AFF2: variants seen among roughly 807,000 people sequenced by gnomAD.
AFF2 encodes the protein ALF transcription elongation factor 2.
A neutral mutation model predicts 76.9 loss-of-function variants in AFF2; 14 were observed. The observed-to-expected ratio is 0.18, with a 90% CI of 0.12 to 0.28. The LOEUF (loss-of-function observed/expected upper bound fraction) is 0.28. Among genes scored for constraint, AFF2 ranks in the 10% least tolerant of loss-of-function variants. The probability of loss-of-function intolerance (pLI) is 1.00; values close to 1 mark genes in which losing one functional copy is unlikely to be tolerated. For missense variants in AFF2, 868 were observed against 1,001.1 expected, an observed-to-expected ratio of 0.87 and a Z score of 1.79; for synonymous variants, 398 against 366.7, an observed-to-expected ratio of 1.09 and a Z score of -0.98.
chrX:148,737,058 A>G (rs1366343331), intron 3 of AFF2, among the ~76,000 whole-genome samples: 2 of 111,529 alleles, frequency 1.8e-5, no homozygotes, highest in African/African-American at 6.5e-5. Context: ...TGATGCCTCC[A>G]GATTTGTTCT....
chrX:148,754,639 G>T (rs1489498811), intron 3 of AFF2, among the ~76,000 whole-genome samples: 1 of 111,091 alleles, frequency 9.0e-6, no homozygotes, highest in South Asian at 3.8e-4. Context: ...CCCTACACCA[G>T]GAGGATAGAG....
At chrX:148,852,409 T>TTA (rs1491530668) in intron 7 of AFF2, among the ~76,000 whole-genome samples, 1 of 99,303 alleles carries the variant, frequency 1.0e-5, no homozygotes, top group Middle Eastern at 4.8e-3. Flanking sequence ...TTTTTTTTTT[T>TTA]ACTTTTAAAT....
chrX:148,916,079 A>G (rs1288353700), intron 9 of AFF2, among the ~76,000 whole-genome samples: 8 of 109,911 alleles, frequency 7.3e-5, no homozygotes. Flanking sequence ...TCCTGCAAGG[A>G]TGCTGTTGTG....
At chrX:148,851,326 G>A (rs1215505675) in intron 7 of AFF2, among the ~76,000 whole-genome samples, 1 of 112,195 alleles carries the variant, frequency 8.9e-6, no homozygotes, top group East Asian at 2.8e-4. Flanking sequence ...CTTTAACAAT[G>A]TGGACCAAAA....
At chrX:148,710,038 T>C (rs782584560) in intron 3 of AFF2, among the ~76,000 whole-genome samples, 1 of 111,794 alleles carries the variant, frequency 8.9e-6, no homozygotes, top group Non-Finnish European at 1.9e-5. Context: ...CCTAGAATAG[T>C]CATGGGCTAT....
chrX:148,795,832 AATATATATATATATATATATATATAT>A (rs1169188980), intron 3 of AFF2, among the ~76,000 whole-genome samples: 165 of 15,531 alleles, frequency 0.011, 2 homozygotes, highest in African/African-American at 0.033. Flanking sequence ...AAAAAAAAAA[AATATATATATATATATATATATATAT>A]ATATATATAT....
intron 3 of AFF2, among the ~76,000 whole-genome samples, chrX:148,754,194 T>C (rs946430907): frequency 2.7e-5 from 3 of 111,645 alleles, no homozygotes; most frequent in African/African-American, 9.8e-5. Context: ...ATACAATAGA[T>C]GCCATTATGC....
intron 1 of AFF2, among the ~76,000 whole-genome samples, chrX:148,634,948 G>C (rs977383301): frequency 4.5e-5 from 5 of 111,570 alleles, no homozygotes; most frequent in African/African-American, 1.6e-4. Flanking sequence ...GCATTAATTT[G>C]CCTCAGGAAG....
At chrX:148,649,376 G>T (rs1447216076) in intron 1 of AFF2, among the ~76,000 whole-genome samples, 3 of 112,149 alleles carry the variant, frequency 2.7e-5, no homozygotes, top group Non-Finnish European at 3.8e-5. Context: ...TTACTCATTA[G>T]ACCTCACTGT....
chrX:148,527,418 G>T (rs2052674351), intron 1 of AFF2, among the ~76,000 whole-genome samples: 1 of 112,128 alleles, frequency 8.9e-6, no homozygotes, highest in Non-Finnish European at 1.9e-5. Context: ...ATTTAGATTG[G>T]ATCTTGGACC....
At chrX:148,612,142 A>G (rs1269364404) in intron 1 of AFF2, among the ~76,000 whole-genome samples, 2 of 111,926 alleles carry the variant, frequency 1.8e-5, no homozygotes, top group Non-Finnish European at 3.8e-5. Context: ...ATGACTGTGA[A>G]ACTATATGAA....
At chrX:148,550,713 G>A (rs781992014) in intron 1 of AFF2, among the ~76,000 whole-genome samples, 3 of 110,891 alleles carry the variant, frequency 2.7e-5, no homozygotes, top group South Asian at 3.8e-4. Context: ...GGGCATCTGC[G>A]AATACGTATG....
At chrX:148,864,305 G>T (rs781998210) in intron 7 of AFF2, among the ~76,000 whole-genome samples, 1 of 112,156 alleles carries the variant, frequency 8.9e-6, no homozygotes, top group East Asian at 2.8e-4. Flanking sequence ...AGGTGGAAAG[G>T]CTTCTCTGCC....
intron 7 of AFF2, among the ~76,000 whole-genome samples, chrX:148,856,466 C>T (rs1423358131): frequency 5.4e-5 from 6 of 111,280 alleles, no homozygotes; most frequent in Admixed American, 1.9e-4. Flanking sequence ...GTCTGGTTGA[C>T]TCCAGTAAGA....
chrX:148,861,008 A>C, intron 7 of AFF2, among the ~76,000 whole-genome samples: 1 of 111,460 alleles, frequency 9.0e-6, no homozygotes, highest in Non-Finnish European at 1.9e-5. Context: ...TTTCTCAGAT[A>C]ATGTCTGAGA....
At chrX:148,656,619 C>T (rs1410209204) in intron 2 of AFF2, among the ~76,000 whole-genome samples, 1 of 103,296 alleles carries the variant, frequency 9.7e-6, no homozygotes, top group Admixed American at 1.0e-4. Flanking sequence ...CCTGCCTCAG[C>T]CTCCCAAGTA....
chrX:148,662,254 G>C lies in AFF2; in HGVS notation c.527G>C (p.Gly176Ala). Residue 176 changes from glycine (G) to alanine (A), a missense_variant, in exon 3 of 21, where the codon GGT (glycine) becomes GCT (alanine). This residue lies in a region of AFF2 where 196 missense variants were observed against 194.8 expected (regional missense o/e 1.01). Coordinates refer to ENST00000370460, the MANE Select transcript of AFF2 (RefSeq NM_002025.4). ...ACTGTACTGGCAAGCCAGGCCAGTG[G>C]TCAGCCAAACAAGATGCAGACTTTG... Reference protein sequence around the residue: ...PSTVLASQASGQPNKMQTLTQ... With the variant: ...PSTVLASQASAQPNKMQTLTQ... 8.3e-7 allele frequency: 1 copy of C among 1,211,570 alleles called. No homozygotes were observed. Among genetic ancestry groups the C allele is most frequent in the Non-Finnish European group, 1.1e-6 (1 of 895,520 alleles).
At chrX:148,502,140 C>T (rs1371608076) in intron 1 of AFF2, among the ~76,000 whole-genome samples, 3 of 112,134 alleles carry the variant, frequency 2.7e-5, no homozygotes, top group Non-Finnish European at 5.6e-5. Flanking sequence ...TCAGATTCCC[C>T]CCGCAGTCTA....
chrX:148,664,350 T>G (rs2124471383), intron 3 of AFF2, among the ~76,000 whole-genome samples: 1 of 112,166 alleles, frequency 8.9e-6, no homozygotes, highest in Non-Finnish European at 1.9e-5. Context: ...TACCTGTGGT[T>G]CCCTGTCATG....
Sources: gnomAD v4.1 joint callset for allele counts (sites outside exome capture counted in the v4.1 genomes callset) on GRCh38, gnomAD v4.1.1 for gene constraint, gnomAD v4.1.1 regional missense constraint, MANE v1.5 for transcripts, NCBI Gene and HGNC (gene_info 2026-07-23, HGNC 2026-07-21) for gene names.